The following CDK19 variants were observed in gnomAD, a reference collection of about 807,000 sequenced individuals.
The protein encoded by CDK19 is cyclin-dependent kinase 19.
In CDK19, 20 loss-of-function variants were observed where a neutral mutation model predicts 68.3. The observed-to-expected ratio is 0.29, with a 90% CI of 0.21 to 0.43. The LOEUF (loss-of-function observed/expected upper bound fraction) is 0.43. Among genes scored for constraint, CDK19 ranks in the 20% least tolerant of loss-of-function variants. The probability of loss-of-function intolerance (pLI) is 1.00; values close to 1 mark genes in which losing one functional copy is unlikely to be tolerated. For missense variants in CDK19, 339 were observed against 623.5 expected (o/e 0.54, Z 4.86); for synonymous variants, 221 against 222.8 (o/e 0.99, Z 0.07).
rs1782706911 is a variant in CDK19 at position 110,806,746 on chromosome 6, G to A, written c.128+8263C>T. Among the ~76,000 whole-genome samples the A allele has an allele frequency of 2.0e-5, 3 of 152,176 alleles. No homozygotes were observed. In the South Asian group the frequency reaches 6.2e-4, roughly 31 times the overall value. On this transcript the variant is annotated intron_variant, in intron 1 of 12. Transcript: ENST00000368911. ...TAATCCCAGCACTTTGGGAGGCTGA[G>A]GCAGATGGATCACTTGAGGTCAGGA...
At chr6:110,639,175 C>T (rs962095456) in intron 4 of CDK19, among the ~76,000 whole-genome samples, 2 of 152,144 alleles carry the variant, frequency 1.3e-5, no homozygotes, top group Non-Finnish European at 2.9e-5. Context: ...AAAATTCATG[C>T]ATCAGCTATC....
chr6:110,670,893 AC>A, intron 2 of CDK19: 2 of 396,760 alleles, frequency 5.0e-6, no homozygotes, highest in South Asian at 3.9e-5. Context: ...ATAATTAATT[AC>A]ATTTTTGTAC....
chr6:110,723,806 G>A (rs1776122871), intron 2 of CDK19, among the ~76,000 whole-genome samples: 1 of 152,168 alleles, frequency 6.6e-6, no homozygotes, highest in African/African-American at 2.4e-5. Context: ...TACAAATTGT[G>A]ATGTTTCTTC....
intron 1 of CDK19, among the ~76,000 whole-genome samples, chr6:110,789,578 A>C (rs1267451658): frequency 6.6e-6 from 1 of 152,102 alleles, no homozygotes; most frequent in East Asian, 1.9e-4. Flanking sequence ...TGCCAGCCAA[A>C]TTTTAACTTT....
At chr6:110,813,625 GA>G (rs67924683) in intron 1 of CDK19, 28,013 of 149,958 alleles carry the variant, frequency 0.19, 2,819 homozygotes, top group South Asian at 0.39. Flanking sequence ...AGTTACAAAA[GA>G]AAAAAAAAAT....
chr6:110,766,352 A>C (rs1779584391), intron 1 of CDK19, among the ~76,000 whole-genome samples: 1 of 152,142 alleles, frequency 6.6e-6, no homozygotes, highest in Non-Finnish European at 1.5e-5. Flanking sequence ...AGGCAGACGG[A>C]TCACTTGACA....
intron 4 of CDK19, chr6:110,646,195 T>C: frequency 1.5e-6 from 2 of 1,330,170 alleles, no homozygotes; most frequent in Non-Finnish European, 2.0e-6. Context: ...TTCCTCCGCA[T>C]CCTCAGCAAC....
intron 12 of CDK19, among the ~76,000 whole-genome samples, chr6:110,616,055 CTT>C (rs1778294042): frequency 6.6e-6 from 1 of 152,098 alleles, no homozygotes; most frequent in Non-Finnish European, 1.5e-5. Context: ...ACCAAAGTAT[CTT>C]TGAAAAATCC....
At position 110,645,835 on chromosome 6, in the gene CDK19, C is replaced by T. The variant is rs1314278014; in HGVS notation, c.457-7129G>A. 14 of 613,910 alleles carry T rather than the reference C, an allele frequency of 2.3e-5. No individual in the cohort carries two copies. In the East Asian group the frequency reaches 4.6e-4, roughly 20 times the overall value. The allele number at this position is 613,910 out of a possible 1,614,324, so 38.0% of individuals were successfully genotyped here. A position where few individuals can be genotyped will look rare whatever the true frequency, so the allele number is the denominator to read the frequency against. ...GGAGGGATGGCCGCGCACGACGCGC[C>T]GCGCTTCCTCCTGACCTTCGATTTC... is the stretch of plus-strand genomic sequence containing the variant. On this transcript the variant is annotated intron_variant, in intron 4 of 12. Coordinates refer to ENST00000368911, the MANE Select transcript of CDK19 (RefSeq NM_015076.5).
At chr6:110,646,522 G>A (rs780518970) in intron 4 of CDK19, 155 of 1,313,770 alleles carry the variant, frequency 1.2e-4, no homozygotes, top group Non-Finnish European at 1.5e-4. Flanking sequence ...AAACCGACGT[G>A]CGCCTCCACC....
intron 1 of CDK19, among the ~76,000 whole-genome samples, chr6:110,764,471 T>A (rs977003133): frequency 3.9e-5 from 6 of 152,184 alleles, no homozygotes; most frequent in Non-Finnish European, 7.3e-5. Context: ...ACTCACATGT[T>A]CGTTGACAAA....
intron 2 of CDK19, among the ~76,000 whole-genome samples, chr6:110,701,405 A>T (rs889830272): frequency 1.3e-5 from 2 of 148,942 alleles, no homozygotes; most frequent in Admixed American, 6.6e-5. Context: ...AAAAAAAATT[A>T]GCCGAGCATG....
At chr6:110,796,709 GA>G (rs1183540278) in intron 1 of CDK19, among the ~76,000 whole-genome samples, 1 of 151,290 alleles carries the variant, frequency 6.6e-6, no homozygotes, top group Non-Finnish European at 1.5e-5. Context: ...TCAGCTGTGA[GA>G]AAAAATATAC....
chr6:110,768,276 G>A (rs1390555266), intron 1 of CDK19, among the ~76,000 whole-genome samples: 16 of 152,190 alleles, frequency 1.1e-4, no homozygotes, highest in African/African-American at 3.4e-4. Context: ...AGGAATGCTC[G>A]TTCATTGCTG....
rs146099197 is a variant in CDK19, at chr6:110,711,210, A to G, written c.204+34916T>C. 2.1e-3 allele frequency among the ~76,000 whole-genome samples: 321 copies of G among 152,346 alleles called. 2 individuals carry two copies. Among genetic ancestry groups the G allele is most frequent in the African/African-American group, 7.5e-3 (310 of 41,584 alleles). On this transcript the variant is annotated intron_variant, in intron 2 of 12. Transcript: ENST00000368911. ...TGTGATATAAAATATTAATGTCTAC[A>G]TATTTCTTTGTTAAGAATGGTTAGA...
At chr6:110,697,886 A>G (rs939733842) in intron 2 of CDK19, among the ~76,000 whole-genome samples, 50 of 152,192 alleles carry the variant, frequency 3.3e-4, no homozygotes, top group African/African-American at 1.2e-3. Context: ...CTGATCTTCG[A>G]CAAAGCAAAC....
intron 2 of CDK19, among the ~76,000 whole-genome samples, chr6:110,727,354 T>A (rs372665152): frequency 6.6e-6 from 1 of 152,144 alleles, no homozygotes; most frequent in Admixed American, 6.6e-5. Context: ...TATTTCCTTA[T>A]CTTTGAAACT....
intron 1 of CDK19, among the ~76,000 whole-genome samples, chr6:110,776,257 C>T (rs997537145): frequency 1.3e-5 from 2 of 151,930 alleles, no homozygotes; most frequent in African/African-American, 2.4e-5. Context: ...GGCAAAAACC[C>T]GCCTCTACTA....
chr6:110,792,409 T>C (rs1032770952), intron 1 of CDK19, among the ~76,000 whole-genome samples: 2 of 151,948 alleles, frequency 1.3e-5, no homozygotes, highest in African/African-American at 4.8e-5. Context: ...TTTTTGTTGT[T>C]GTCTTGCTCT....
Sources: allele counts gnomAD v4.1 joint callset (sites outside exome capture counted in the v4.1 genomes callset), GRCh38; gene constraint gnomAD v4.1.1; transcripts MANE v1.5; gene names NCBI Gene and HGNC (gene_info 2026-07-23, HGNC 2026-07-21).